Variants in CCDC178 observed in about 807,000 individuals in gnomAD.
CCDC178 encodes the protein coiled-coil domain containing 178.
In CCDC178, 126 loss-of-function variants were observed where a neutral mutation model predicts 117.4. That is an observed-to-expected ratio of 1.07 (90% CI 0.93 to 1.24). CCDC178 has a LOEUF of 1.24. CCDC178 is among the 50% of genes most tolerant of loss of function. The pLI is 0.00. For missense variants in CCDC178, 1,030 were observed against 986.9 expected (o/e 1.04, Z -0.59); for synonymous variants, 283 against 313.4 (o/e 0.90, Z 1.02).
In CCDC178 at chr18:33,323,515, T is replaced by C. The variant is rs770152164; in HGVS notation, c.998A>G (p.Asp333Gly). Residue 333 changes from aspartate to glycine, a missense_variant, in exon 11 of 23, where the codon GAT becomes GGT. Asp to Gly is a moderately conservative substitution (Grantham distance 94). Transcript: ENST00000383096. ...KEEIDKDIYQ[D>G]EKTIEAYKRE... ...CTTGTAGGCCTCTATGGTTTTTTCA[T>C]CCTGGTAAATATCCTTATCAATCTC... 7.2e-6 allele frequency: 11 copies of C among 1,530,390 alleles called. No individual in the cohort carries two copies. Among genetic ancestry groups the C allele is most frequent in the Non-Finnish European group, 9.6e-6 (11 of 1,140,614 alleles). The allele number at this position is 1,530,390 out of a possible 1,614,324, so 94.8% of individuals were successfully genotyped here.
At chr18:33,143,648 C>T (rs1440853037) in intron 20 of CCDC178, among the ~76,000 whole-genome samples, 1 of 152,004 alleles carries the variant, frequency 6.6e-6, no homozygotes, top group Non-Finnish European at 1.5e-5. Context: ...CTTGTGTGAA[C>T]AACAGATAAG....
At chr18:32,994,365 A>G (rs1446678629) in intron 21 of CCDC178, among the ~76,000 whole-genome samples, 3 of 152,214 alleles carry the variant, frequency 2.0e-5, no homozygotes, top group African/African-American at 7.2e-5. Flanking sequence ...GACAAAAGTC[A>G]AAACACCAAA....
At chr18:33,294,224 A>G (rs769051629) in intron 11 of CCDC178, among the ~76,000 whole-genome samples, 12 of 152,202 alleles carry the variant, frequency 7.9e-5, no homozygotes, top group Non-Finnish European at 1.3e-4. Context: ...TTATCTTCAG[A>G]TACTGTTATG....
At chr18:33,329,055 C>T (rs577775004) in intron 10 of CCDC178, among the ~76,000 whole-genome samples, 4 of 151,884 alleles carry the variant, frequency 2.6e-5, no homozygotes, top group East Asian at 1.9e-4. Context: ...TTTGATGACC[C>T]GTATATGGAA....
At chr18:33,375,417 TG>T (rs2063351156) in intron 5 of CCDC178, among the ~76,000 whole-genome samples, 1 of 152,148 alleles carries the variant, frequency 6.6e-6, no homozygotes, top group Non-Finnish European at 1.5e-5. Context: ...CTGAGCTCCT[TG>T]CAAAAATGTA....
chr18:33,322,200 C>T (rs922624113), intron 11 of CCDC178, among the ~76,000 whole-genome samples: 7 of 151,824 alleles, frequency 4.6e-5, no homozygotes, highest in African/African-American at 1.7e-4. Flanking sequence ...TTCCTCATTA[C>T]TTGACAGAAA....
At chr18:33,388,836 C>A (rs986066714) in intron 5 of CCDC178, among the ~76,000 whole-genome samples, 2 of 152,014 alleles carry the variant, frequency 1.3e-5, no homozygotes, top group African/African-American at 4.8e-5. Flanking sequence ...ATGTCCTTTG[C>A]AGGGACATGG....
intron 21 of CCDC178, among the ~76,000 whole-genome samples, chr18:32,980,244 GAGA>G (rs1338271211): frequency 6.6e-6 from 1 of 152,120 alleles, no homozygotes; most frequent in East Asian, 1.9e-4. Flanking sequence ...TGCAGGTTTA[GAGA>G]AGATTTTAAT....
chr18:32,966,243 T>G lies in CCDC178; in HGVS notation c.2523+8304A>C, dbSNP rs9956783. On this transcript the variant is annotated intron_variant, in intron 22 of 22. Coordinates refer to ENST00000383096, the MANE Select transcript of CCDC178 (RefSeq NM_001105528.4). ...TTGAAATCCTACTCTCACTATATTC[T>G]AAAGTCTAAGTATTTGTGGGGCTTT... Among the ~76,000 whole-genome samples, 315 of 151,954 alleles carry G rather than the reference T, an allele frequency of 2.1e-3. 1 individual carries two copies. Among genetic ancestry groups the G allele is most frequent in the African/African-American group, 7.3e-3 (301 of 41,514 alleles).
chr18:33,270,448 C>A, intron 12 of CCDC178, among the ~76,000 whole-genome samples: 1 of 151,436 alleles, frequency 6.6e-6, no homozygotes, highest in East Asian at 1.9e-4. Context: ...ACATCACAAT[C>A]AAACTGTCAA....
chr18:33,192,161 T>C (rs781024337), intron 20 of CCDC178, among the ~76,000 whole-genome samples: 34 of 152,336 alleles, frequency 2.2e-4, no homozygotes, highest in African/African-American at 5.3e-4. Context: ...CAGTTGGCCA[T>C]TGTACTTATG....
At chr18:33,440,398 A>C (rs1168159723) in intron 1 of CCDC178, 1 of 137,184 alleles carries the variant, frequency 7.3e-6, no homozygotes, top group East Asian at 2.6e-4. Context: ...GGACAAAACG[A>C]CTGGGGGACT....
chr18:33,175,034 ATT>A (rs548936835), intron 20 of CCDC178, among the ~76,000 whole-genome samples: 10,242 of 147,496 alleles, frequency 0.069, 588 homozygotes, highest in African/African-American at 0.16. Flanking sequence ...TTATTTTTTT[ATT>A]TTTTTATTTT....
chr18:33,425,238 C>A (rs9960038), intron 2 of CCDC178, among the ~76,000 whole-genome samples: 1 of 152,142 alleles, frequency 6.6e-6, no homozygotes, highest in Non-Finnish European at 1.5e-5. Flanking sequence ...GAGACAGGAT[C>A]TCAACCAAGG....
At chr18:33,286,470 A>G (rs1326998769) in intron 12 of CCDC178, among the ~76,000 whole-genome samples, 2 of 152,170 alleles carry the variant, frequency 1.3e-5, no homozygotes, top group African/African-American at 4.8e-5. Flanking sequence ...AATTGTTAGT[A>G]TTAGAAATAA....
chr18:32,993,178 A>G lies in CCDC178; in HGVS notation c.2389-18497T>C, dbSNP rs2055430260. On this transcript the variant is annotated intron_variant, in intron 21 of 22. Transcript: ENST00000383096. ...GAAACTCTGTCTGAAGAAAAAAAAA[A>G]TTAAGGATTTTGTTCTTCTGAGGTA... Among the ~76,000 whole-genome samples the G allele has an allele frequency of 2.0e-5, 3 of 152,086 alleles. No homozygotes were observed. The South Asian group carries it at 6.2e-4, about 32-fold the overall frequency.
intron 6 of CCDC178, 42 bp from the exon 7 acceptor site, chr18:33,356,388 A>C (rs2063057959): frequency 1.4e-6 from 2 of 1,428,110 alleles, no homozygotes; most frequent in East Asian, 5.1e-5. Context: ...AATCTTAAAC[A>C]TATTAAAAAA....
At chr18:33,142,634 A>G (rs2144305473) in intron 20 of CCDC178, among the ~76,000 whole-genome samples, 1 of 152,294 alleles carries the variant, frequency 6.6e-6, no homozygotes, top group South Asian at 2.1e-4. Flanking sequence ...TTGATAACAG[A>G]AAGAAAGAAA....
At chr18:33,338,344 G>A (rs928434642) in intron 9 of CCDC178, among the ~76,000 whole-genome samples, 2 of 152,142 alleles carry the variant, frequency 1.3e-5, no homozygotes, top group Admixed American at 6.5e-5. Flanking sequence ...AAACAGTGTG[G>A]AGATTGCTTA....
Sources: allele counts gnomAD v4.1 joint callset (sites outside exome capture counted in the v4.1 genomes callset), GRCh38; gene constraint gnomAD v4.1.1; transcripts MANE v1.5; gene names NCBI Gene and HGNC (gene_info 2026-07-23, HGNC 2026-07-21).